ARPP21: variants seen among roughly 807,000 people sequenced by gnomAD.
ARPP21 encodes the protein cAMP-regulated phosphoprotein 21.
A neutral mutation model predicts 113.2 loss-of-function variants in ARPP21; 69 were observed. The observed-to-expected ratio is 0.61, with a 90% CI of 0.50 to 0.74. ARPP21 has a LOEUF of 0.74. ARPP21 is among the 30% of genes least tolerant of loss of function. The pLI is 0.00. For synonymous variants in ARPP21, 368 were observed against 375.5 expected (o/e 0.98, Z 0.23); for missense variants, 1,070 against 1,037.4 (o/e 1.03, Z -0.43).
Position 35,681,891 on chromosome 3 carries a change from A to G in ARPP21, c.129+11A>G. On this transcript the variant is annotated intron_variant, in intron 3 of 20. Coordinates refer to ENST00000684406, the MANE Select transcript of ARPP21 (RefSeq NM_001385562.1). The stretch of plus-strand genomic sequence containing the variant: ...AAACTGGAACTGCAGGTGAGTGAGC[A>G]TGAAGAGACCCTGACTCTCATACAA... The G allele has an allele frequency of 1.2e-6, 2 of 1,611,458 alleles. No individual in the cohort carries two copies. Among genetic ancestry groups the G allele is most frequent in the Non-Finnish European group, 1.7e-6 (2 of 1,178,398 alleles).
chr3:35,716,278 T>A (rs2092381978), intron 12 of ARPP21, among the ~76,000 whole-genome samples: 1 of 152,146 alleles, frequency 6.6e-6, no homozygotes, highest in Admixed American at 6.5e-5. Flanking sequence ...GTGGTATCTA[T>A]AAATAAAGTG....
intron 19 of ARPP21, among the ~76,000 whole-genome samples, chr3:35,746,495 C>G (rs143177170): frequency 6.6e-6 from 1 of 152,270 alleles, no homozygotes; most frequent in African/African-American, 2.4e-5. Flanking sequence ...GAAAATAAGA[C>G]TTCTCCATCT....
chr3:35,762,508 A>G (rs1046804359), intron 19 of ARPP21, among the ~76,000 whole-genome samples: 2 of 151,982 alleles, frequency 1.3e-5, no homozygotes, highest in African/African-American at 4.8e-5. Context: ...ATTTTCTTTT[A>G]TTACAATGAT....
rs756530384 is a variant in ARPP21, at chr3:35,729,313, T to C, written c.1236T>C (p.Ser412=). The stretch of plus-strand genomic sequence containing the variant: ...GTATCCCTATGCCAGGTTCCGAGTC[T>C]TCCAGCAGTGCAGGCTCCTCAGGAT... The part of the protein sequence containing the change: ...TGKLSKAGSE[S]SSSAGSSGSL... The change falls in exon 15 of 21, where the codon TCT becomes TCC. Residue 412 remains serine, a synonymous_variant. Transcript: ENST00000684406. The C allele has an allele frequency of 6.2e-7, 1 of 1,613,770 alleles. No homozygotes were observed. Among genetic ancestry groups the C allele is most frequent in the Non-Finnish European group, 8.5e-7 (1 of 1,179,670 alleles).
intron 1 of ARPP21, among the ~76,000 whole-genome samples, chr3:35,649,938 A>G (rs1701747319): frequency 6.6e-6 from 1 of 152,148 alleles, no homozygotes; most frequent in Admixed American, 6.6e-5. Flanking sequence ...TGCTTTCTTA[A>G]TTTGTTTCCA....
intron 19 of ARPP21, among the ~76,000 whole-genome samples, chr3:35,779,200 G>A (rs1034421274): frequency 6.6e-6 from 1 of 152,060 alleles, no homozygotes; most frequent in African/African-American, 2.4e-5. Context: ...TGTATTCTCC[G>A]GGTTCCTAGT....
chr3:35,739,716 T>TACAG, intron 18 of ARPP21, 139 bp downstream of exon 18: 1 of 1,213,690 alleles, frequency 8.2e-7, no homozygotes. Flanking sequence ...CAACAGGAAG[T>TACAG]AGTATATTTT....
At chr3:35,728,389 T>C (rs559573714) in intron 14 of ARPP21, among the ~76,000 whole-genome samples, 1 of 151,722 alleles carries the variant, frequency 6.6e-6, no homozygotes, top group Non-Finnish European at 1.5e-5. Flanking sequence ...CAGCTAATTT[T>C]CTGTATTTTT....
chr3:35,645,093 A>C (rs1296137603), intron 1 of ARPP21, among the ~76,000 whole-genome samples: 2 of 151,938 alleles, frequency 1.3e-5, no homozygotes, highest in Non-Finnish European at 2.9e-5. Context: ...TACATTTTAA[A>C]AGTAATATAC....
At chr3:35,786,125 G>A (rs1207784041) in intron 19 of ARPP21, among the ~76,000 whole-genome samples, 1 of 152,186 alleles carries the variant, frequency 6.6e-6, no homozygotes, top group Admixed American at 6.5e-5. Context: ...GAACAGAACA[G>A]TACCTAATTA....
intron 9 of ARPP21, among the ~76,000 whole-genome samples, chr3:35,703,977 G>C (rs534594133): frequency 6.6e-6 from 1 of 151,648 alleles, no homozygotes; most frequent in Non-Finnish European, 1.5e-5. Context: ...CAATACTTCA[G>C]GTATATGCCT....
In ARPP21 at chr3:35,678,269, A is replaced by G. The variant is rs975704587; in HGVS notation, c.-212-1518A>G. On this transcript the variant is annotated intron_variant, in intron 1 of 20. Transcript: ENST00000684406. The stretch of plus-strand genomic sequence containing the variant: ...ATATGAGGGTCTTAAAGAGAAATCA[A>G]AAGAGTTTCTGTGATCCTTGAGAAC... 3.3e-5 allele frequency among the ~76,000 whole-genome samples: 5 copies of G among 152,062 alleles called. No individual in the cohort carries two copies. In the East Asian group the frequency reaches 9.7e-4, roughly 30 times the overall value.
At chr3:35,665,223 T>G (rs1014313764) in intron 1 of ARPP21, among the ~76,000 whole-genome samples, 5 of 152,084 alleles carry the variant, frequency 3.3e-5, no homozygotes, top group Admixed American at 3.3e-4. Context: ...GAACAGAGTC[T>G]TAGGCTTTAT....
chr3:35,681,056 G>C (rs2078751157), intron 2 of ARPP21: 1 of 151,866 alleles, frequency 6.6e-6, no homozygotes, highest in African/African-American at 2.4e-5. Flanking sequence ...CCTTCCACAG[G>C]ATCTTGTCGC....
At chr3:35,662,973 A>T (rs1471632433) in intron 1 of ARPP21, among the ~76,000 whole-genome samples, 1 of 152,148 alleles carries the variant, frequency 6.6e-6, no homozygotes, top group Non-Finnish European at 1.5e-5. Flanking sequence ...GTACAAACAT[A>T]CAGCAAGATA....
At chr3:35,773,711 T>C (rs2096272629) in intron 19 of ARPP21, among the ~76,000 whole-genome samples, 1 of 152,200 alleles carries the variant, frequency 6.6e-6, no homozygotes, top group South Asian at 2.1e-4. Flanking sequence ...AATTTCATCA[T>C]GTAAGCTTTC....
chr3:35,652,864 G>A (rs1012593847), intron 1 of ARPP21, among the ~76,000 whole-genome samples: 7 of 151,944 alleles, frequency 4.6e-5, no homozygotes, highest in Non-Finnish European at 8.8e-5. Context: ...TCTGCTCTGC[G>A]GGAATTACTT....
intron 14 of ARPP21, among the ~76,000 whole-genome samples, chr3:35,727,066 TA>T (rs1468950320): frequency 6.6e-6 from 1 of 152,232 alleles, no homozygotes; most frequent in Non-Finnish European, 1.5e-5. Flanking sequence ...TTACATTTTT[TA>T]TTTTTTCTCC....
intron 6 of ARPP21, 58 bp downstream of exon 6, chr3:35,687,941 A>T: frequency 1.3e-6 from 2 of 1,496,980 alleles, no homozygotes; most frequent in Non-Finnish European, 1.8e-6. Flanking sequence ...TAGTCACAGA[A>T]CACATTCTAG....
Sources: gnomAD v4.1 joint callset for allele counts (sites outside exome capture counted in the v4.1 genomes callset) on GRCh38, gnomAD v4.1.1 for gene constraint, MANE v1.5 for transcripts, NCBI Gene and HGNC (gene_info 2026-07-23, HGNC 2026-07-21) for gene names.